SNAP23: variants seen among roughly 807,000 people sequenced by gnomAD.
SNAP23 encodes synaptosomal-associated protein 23.
SNAP23 carries 11 observed loss-of-function variants against 29.0 expected under a neutral mutation model. That is an observed-to-expected ratio of 0.38 (90% confidence interval 0.24 to 0.63). The LOEUF (loss-of-function observed/expected upper bound fraction) is 0.63. SNAP23 is among the 20% of genes least tolerant of loss of function. The pLI is 0.58. For synonymous variants in SNAP23, 60 were observed against 82.9 expected (o/e 0.72, Z 1.50); for missense variants, 220 against 253.9 (o/e 0.87, Z 0.91).
At chr15:42,506,055 C>T in intron 1 of SNAP23, among the ~76,000 whole-genome samples, 1 of 150,966 alleles carries the variant, frequency 6.6e-6, no homozygotes, top group East Asian at 2.0e-4. Context: ...AAACGATTCT[C>T]CTGCCTCAGC....
upstream of SNAP23, among the ~76,000 whole-genome samples, chr15:42,492,594 C>T (rs1445530952): frequency 7.1e-6 from 1 of 141,244 alleles, no homozygotes; most frequent in East Asian, 2.2e-4. Context: ...AGGAGAATCG[C>T]TTGAACCCGG....
chr15:42,507,696 G>A (rs2057326284), intron 1 of SNAP23, among the ~76,000 whole-genome samples: 1 of 152,174 alleles, frequency 6.6e-6, no homozygotes, highest in Non-Finnish European at 1.5e-5. Flanking sequence ...GTAAGGCTAT[G>A]TAGCTAATTA....
chr15:42,520,301 G>A (rs536182270), intron 5 of SNAP23, among the ~76,000 whole-genome samples: 7 of 151,612 alleles, frequency 4.6e-5, no homozygotes, highest in African/African-American at 7.3e-5. Context: ...CATCCACCTC[G>A]GCCTCCCAAA....
Position 42,515,273 on chromosome 15 carries a change from T to C in SNAP23, c.185T>C (p.Ile62Thr). The C allele has an allele frequency of 6.2e-7, 1 of 1,611,432 alleles. No homozygotes were observed. Among genetic ancestry groups the C allele is most frequent in the East Asian group, 2.2e-5 (1 of 44,614 alleles). ...LNRIEEGLDQ[I>T]NKDMRETEKT... ...CGCATAGAAGAAGGCTTGGACCAAATAAATAAGGACATGAGAGAGACAGAG... is the reference window on the plus strand; with the variant it reads ...CGCATAGAAGAAGGCTTGGACCAAACAAATAAGGACATGAGAGAGACAGAG... The change falls in exon 5 of 8, where the codon ATA becomes ACA. Residue 62 changes from isoleucine to threonine, a missense_variant. By Grantham distance (89) the Ile-to-Thr change is moderately conservative. Transcript: ENST00000249647.
At chr15:42,523,615 T>G (rs1017933476) in intron 5 of SNAP23, among the ~76,000 whole-genome samples, 6 of 152,252 alleles carry the variant, frequency 3.9e-5, no homozygotes, top group African/African-American at 1.4e-4. Flanking sequence ...AGCAGTTTTA[T>G]GTCTGTTATC....
chr15:42,510,135 T>G (rs571047370), intron 1 of SNAP23, among the ~76,000 whole-genome samples: 56 of 152,136 alleles, frequency 3.7e-4, no homozygotes, highest in African/African-American at 1.3e-3. Flanking sequence ...ATTTAAATTT[T>G]TTTGTTTGTT....
intron 1 of SNAP23, among the ~76,000 whole-genome samples, chr15:42,510,276 C>T (rs2057349992): frequency 6.6e-6 from 1 of 152,048 alleles, no homozygotes; most frequent in Non-Finnish European, 1.5e-5. Flanking sequence ...GCTGGGACTA[C>T]AGGTGTGCGC....
chr15:42,511,183 A>G (rs371091975), intron 1 of SNAP23, among the ~76,000 whole-genome samples: 1 of 152,176 alleles, frequency 6.6e-6, no homozygotes, highest in Non-Finnish European at 1.5e-5. Context: ...GTTACTGTGT[A>G]TAGGAGAATA....
chr15:42,508,203 G>A (rs921720541), intron 1 of SNAP23, among the ~76,000 whole-genome samples: 12 of 150,606 alleles, frequency 8.0e-5, no homozygotes, highest in African/African-American at 2.9e-4. Context: ...GGGCAAGGCT[G>A]TAGTGAACCT....
intron 1 of SNAP23, chr15:42,505,471 T>G (rs1178244012): frequency 6.6e-6 from 1 of 152,140 alleles, no homozygotes; most frequent in African/African-American, 2.4e-5. Context: ...TTCCAGGGCC[T>G]TTTTTCTGTG....
At chr15:42,504,176 A>G (rs2057299367) in intron 1 of SNAP23, among the ~76,000 whole-genome samples, 1 of 151,474 alleles carries the variant, frequency 6.6e-6, no homozygotes, top group African/African-American at 2.4e-5. Context: ...CAAAAAAAAA[A>G]ATAATAATAT....
chr15:42,528,522 T>A (rs1425305338), intron 6 of SNAP23, 102 bp downstream of exon 6: 1 of 1,131,754 alleles, frequency 8.8e-7, no homozygotes, highest in African/African-American at 1.6e-5. Context: ...AAATAAAAAT[T>A]GTATTTATTC....
chr15:42,515,683 C>A (rs1373685739), intron 5 of SNAP23, among the ~76,000 whole-genome samples: 1 of 151,960 alleles, frequency 6.6e-6, no homozygotes. Flanking sequence ...GGAGTATTAA[C>A]AAAATATATA....
At chr15:42,505,523 T>G (rs1005413631) in intron 1 of SNAP23, 1 of 151,924 alleles carries the variant, frequency 6.6e-6, no homozygotes, top group Non-Finnish European at 1.5e-5. Flanking sequence ...CTTTCTTCTT[T>G]TCTTCTCTTT....
intron 4 of SNAP23, among the ~76,000 whole-genome samples, chr15:42,514,719 T>C (rs1234317993): frequency 6.1e-5 from 9 of 146,878 alleles, no homozygotes; most frequent in South Asian, 4.4e-4. Context: ...TTTTTTTTTT[T>C]CGAGCGGGAG....
At chr15:42,492,282 A>G (rs953519389), upstream of SNAP23, among the ~76,000 whole-genome samples, 1 of 152,194 alleles carries the variant, frequency 6.6e-6, no homozygotes, top group African/African-American at 2.4e-5. Flanking sequence ...TAAGACTATC[A>G]GATAAATGAA....
At chr15:42,530,289 A>G (rs1199279628) in intron 7 of SNAP23, among the ~76,000 whole-genome samples, 4 of 152,174 alleles carry the variant, frequency 2.6e-5, no homozygotes, top group African/African-American at 4.8e-5. Context: ...TCCTCATCTC[A>G]TGAAAGAGTC....
chr15:42,501,515 T>G (rs1361495825), intron 1 of SNAP23, among the ~76,000 whole-genome samples: 3 of 152,184 alleles, frequency 2.0e-5, no homozygotes, highest in Non-Finnish European at 4.4e-5. Context: ...TCCCCCTGCT[T>G]CAGCCTCCTG....
At chr15:42,523,459 G>A (rs2057467777) in intron 5 of SNAP23, among the ~76,000 whole-genome samples, 1 of 152,174 alleles carries the variant, frequency 6.6e-6, no homozygotes, top group African/African-American at 2.4e-5. Flanking sequence ...TCATGTACCT[G>A]TAGATCTCAA....
Sources: gnomAD v4.1 joint callset for allele counts (sites outside exome capture counted in the v4.1 genomes callset) on GRCh38, gnomAD v4.1.1 for gene constraint, MANE v1.5 for transcripts, NCBI Gene and HGNC (gene_info 2026-07-23, HGNC 2026-07-21) for gene names.